ANO2: variants seen among roughly 807,000 people sequenced by gnomAD.
The protein encoded by ANO2 is anoctamin 2.
ANO2 carries 101 observed loss-of-function variants against 124.2 expected under a neutral mutation model. The ratio of observed to expected loss-of-function variants is 0.81; its 90% CI spans 0.69 to 0.96. ANO2 has a LOEUF of 0.96. Ranked by LOEUF, ANO2 falls within the 40% of genes least tolerant of loss-of-function variation. The pLI, the probability that ANO2 is intolerant of heterozygous loss-of-function variation, is 0.00. For synonymous variants in ANO2, 486 were observed against 482.5 expected (o/e 1.01, Z -0.09); for missense variants, 1,293 against 1,274.5 (o/e 1.01, Z -0.22).
At chr12:5,933,249 A>T (rs1942506480) in intron 1 of ANO2, among the ~76,000 whole-genome samples, 1 of 152,236 alleles carries the variant, frequency 6.6e-6, no homozygotes, top group East Asian at 1.9e-4. Flanking sequence ...ACACATGCAC[A>T]GAAACTCCAG....
intron 16 of ANO2, among the ~76,000 whole-genome samples, chr12:5,627,580 G>A (rs1049258559): frequency 6.6e-6 from 1 of 152,160 alleles, no homozygotes; most frequent in African/African-American, 2.4e-5. Context: ...TTCACCCCAT[G>A]CTCCAAAAAC....
intron 15 of ANO2, among the ~76,000 whole-genome samples, chr12:5,640,820 T>C: frequency 6.6e-6 from 1 of 152,198 alleles, no homozygotes; most frequent in South Asian, 2.1e-4. Context: ...GTGTGGCGAT[T>C]CCTCAAGGAT....
rs188363489 is a variant in ANO2, at chr12:5,569,320, G to A, written c.2622-3657C>T. ...CACTGAGTTCCCCAGCACTGGGTGA[G>A]CCCCCACAACTGGTCAGACTCCTGC... On this transcript the variant is annotated intron_variant, in intron 23 of 24. Transcript: ENST00000682330. Among the ~76,000 whole-genome samples, 111 of 151,552 alleles carry A rather than the reference G, an allele frequency of 7.3e-4. 1 individual carries two copies. The highest frequency in any genetic ancestry group is 2.5e-3 in the African/African-American group (103 of 41,282).
chr12:5,622,824 C>T (rs1425187963), intron 16 of ANO2, among the ~76,000 whole-genome samples: 1 of 151,876 alleles, frequency 6.6e-6, no homozygotes, highest in Non-Finnish European at 1.5e-5. Context: ...ATTAGCTGGG[C>T]GTGGTGGTAT....
chr12:5,762,461 C>T (rs1951769101), intron 10 of ANO2, among the ~76,000 whole-genome samples: 1 of 151,840 alleles, frequency 6.6e-6, no homozygotes, highest in South Asian at 2.1e-4. Context: ...GTTAAAATTT[C>T]TAACTAAGTA....
intron 3 of ANO2, among the ~76,000 whole-genome samples, chr12:5,892,225 C>T (rs528833876): frequency 6.6e-6 from 1 of 152,128 alleles, no homozygotes; most frequent in African/African-American, 2.4e-5. Context: ...ATTAACCAAC[C>T]TGAACAACAG....
intron 3 of ANO2, among the ~76,000 whole-genome samples, chr12:5,887,178 G>T (rs560396486): frequency 6.6e-6 from 1 of 152,164 alleles, no homozygotes; most frequent in African/African-American, 2.4e-5. Flanking sequence ...CTTAGGCTAG[G>T]ATTTTTTTTA....
chr12:5,826,889 C>T (rs554421289), intron 7 of ANO2, among the ~76,000 whole-genome samples: 1 of 152,258 alleles, frequency 6.6e-6, no homozygotes, highest in East Asian at 1.9e-4. Flanking sequence ...ACTCTGAACT[C>T]TTTTCAACCT....
At chr12:5,936,294 G>T (rs1942651187) in intron 1 of ANO2, among the ~76,000 whole-genome samples, 1 of 152,076 alleles carries the variant, frequency 6.6e-6, no homozygotes, top group African/African-American at 2.4e-5. Context: ...TTTTTTATCT[G>T]ATGTGTCACG....
intron 1 of ANO2, among the ~76,000 whole-genome samples, chr12:5,927,913 G>C (rs551672595): frequency 7.9e-5 from 12 of 152,208 alleles, no homozygotes; most frequent in East Asian, 1.9e-4. Context: ...TTCTGAACAG[G>C]GGGGAGGGGC....
intron 14 of ANO2, among the ~76,000 whole-genome samples, chr12:5,728,124 ATTG>A (rs1950514608): frequency 1.3e-5 from 2 of 152,158 alleles, no homozygotes; most frequent in South Asian, 4.1e-4. Flanking sequence ...TCTATTCAGC[ATTG>A]TACAGGAGAT....
At chr12:5,716,267 A>G (rs4930750) in intron 14 of ANO2, among the ~76,000 whole-genome samples, 31,703 of 152,112 alleles carry the variant, frequency 0.21, 3,537 homozygotes, top group Middle Eastern at 0.27. Context: ...TGCTGAGCCA[A>G]AAGGTGGCCA....
At chr12:5,840,784 C>A (rs1447624556) in intron 4 of ANO2, among the ~76,000 whole-genome samples, 1 of 152,150 alleles carries the variant, frequency 6.6e-6, no homozygotes, top group Non-Finnish European at 1.5e-5. Flanking sequence ...TAACACCCAT[C>A]GTCCGCCTCT....
intron 3 of ANO2, among the ~76,000 whole-genome samples, chr12:5,887,535 G>A (rs979537116): frequency 6.6e-6 from 1 of 152,198 alleles, no homozygotes; most frequent in Admixed American, 6.5e-5. Flanking sequence ...CTAGCCCTGG[G>A]AGGCTCAACT....
At chr12:5,642,440 T>C (rs1171903563) in intron 15 of ANO2, among the ~76,000 whole-genome samples, 1 of 152,198 alleles carries the variant, frequency 6.6e-6, no homozygotes, top group Non-Finnish European at 1.5e-5. Flanking sequence ...TCATTCTTGA[T>C]TTCTTTTCAG....
intron 16 of ANO2, among the ~76,000 whole-genome samples, chr12:5,628,552 C>T (rs1945528547): frequency 6.6e-6 from 1 of 152,218 alleles, no homozygotes; most frequent in Non-Finnish European, 1.5e-5. Flanking sequence ...CTTCAGTCTT[C>T]CTGTCTCTAA....
chr12:5,776,064 A>G (rs1952224783), intron 10 of ANO2, among the ~76,000 whole-genome samples: 1 of 152,178 alleles, frequency 6.6e-6, no homozygotes, highest in Non-Finnish European at 1.5e-5. Flanking sequence ...TCTATCTCCA[A>G]ACCAATCAGT....
intron 3 of ANO2, among the ~76,000 whole-genome samples, chr12:5,883,614 A>T (rs1938670136): frequency 6.6e-6 from 1 of 151,788 alleles, no homozygotes. Context: ...GGTGGCCCCC[A>T]TGGAGAAGCA....
intron 4 of ANO2, among the ~76,000 whole-genome samples, chr12:5,848,060 A>G (rs1270014255): frequency 6.6e-6 from 1 of 152,236 alleles, no homozygotes; most frequent in African/African-American, 2.4e-5. Context: ...ACTACACTTT[A>G]ACATTACATC....
Sources: allele counts gnomAD v4.1 joint callset (sites outside exome capture counted in the v4.1 genomes callset), GRCh38; gene constraint gnomAD v4.1.1; transcripts MANE v1.5; gene names NCBI Gene and HGNC (gene_info 2026-07-23, HGNC 2026-07-21).